The following IQUB variants were observed in gnomAD, a reference collection of about 807,000 sequenced individuals.
The protein encoded by IQUB is IQ motif and ubiquitin-like domain-containing protein.
A neutral mutation model predicts 86.4 loss-of-function variants in IQUB; 86 were observed. The observed-to-expected ratio is 1.00, with a 90% CI of 0.84 to 1.19. The LOEUF (loss-of-function observed/expected upper bound fraction) is 1.19, where lower values mean the gene tolerates loss of function less well. Ranked by LOEUF, IQUB falls within the 50% of genes most tolerant of loss-of-function variation. The pLI, the probability that IQUB is intolerant of heterozygous loss-of-function variation, is 0.00. For missense variants in IQUB, 946 were observed against 916.9 expected, an observed-to-expected ratio of 1.03 and a Z score of -0.41; for synonymous variants, 289 against 304.5, an observed-to-expected ratio of 0.95 and a Z score of 0.53.
chr7:123,489,460 G>A (rs1181792044), intron 7 of IQUB, among the ~76,000 whole-genome samples: 1 of 151,950 alleles, frequency 6.6e-6, no homozygotes, highest in Non-Finnish European at 1.5e-5. Context: ...CAGCAGGAAT[G>A]TAGACTTCTC....
At chr7:123,484,478 A>C (rs1478368887) in intron 7 of IQUB, among the ~76,000 whole-genome samples, 2 of 152,056 alleles carry the variant, frequency 1.3e-5, no homozygotes, top group African/African-American at 4.8e-5. Context: ...TATCTGATAC[A>C]ATTATATCAG....
chr7:123,480,980 C>A (rs1330658763), intron 7 of IQUB, among the ~76,000 whole-genome samples: 1 of 152,032 alleles, frequency 6.6e-6, no homozygotes, highest in Non-Finnish European at 1.5e-5. Flanking sequence ...TTTACATATA[C>A]TAAATTTGGA....
chr7:123,465,592 C>A (rs1794214820), intron 9 of IQUB, among the ~76,000 whole-genome samples: 1 of 151,946 alleles, frequency 6.6e-6, no homozygotes, highest in Non-Finnish European at 1.5e-5. Context: ...GAAAAAGCCA[C>A]AAGTAACAAG....
At chr7:123,522,370 T>C (rs558610240) in intron 1 of IQUB, among the ~76,000 whole-genome samples, 1 of 152,216 alleles carries the variant, frequency 6.6e-6, no homozygotes, top group Non-Finnish European at 1.5e-5. Context: ...TATTAGTTTG[T>C]ACATAGGGTA....
chr7:123,477,643 T>A (rs1297944745), intron 8 of IQUB, among the ~76,000 whole-genome samples: 3 of 151,906 alleles, frequency 2.0e-5, no homozygotes, highest in Non-Finnish European at 4.4e-5. Flanking sequence ...CTACCATCAG[T>A]GTGAACAGGC....
chr7:123,454,572 A>G (rs779026663), intron 12 of IQUB, among the ~76,000 whole-genome samples: 4 of 152,246 alleles, frequency 2.6e-5, no homozygotes, highest in Non-Finnish European at 5.9e-5. Flanking sequence ...GTGGACATCA[A>G]GAGACCTTTT....
Position 123,526,146 on chromosome 7 carries a change from T to G in IQUB, c.-5+8346A>C, listed in dbSNP as rs550541526. Among the ~76,000 whole-genome samples, 1,021 of 138,976 alleles carry G rather than the reference T, an allele frequency of 7.3e-3. 10 individuals carry two copies. The highest frequency in any genetic ancestry group is 0.025 in the African/African-American group (966 of 39,406). 91.2% of individuals were successfully genotyped at this position (138,976 alleles called of 152,430 possible). A position where few individuals can be genotyped will look rare whatever the true frequency, so the allele number is the denominator to read the frequency against. Reference sequence around the variant, plus strand: ...AGTATGTGGTCAATTTTGGAATAGGTGTGGTGTGGTGCTGAAAAAAATGTA... The same window carrying G: ...AGTATGTGGTCAATTTTGGAATAGGGGTGGTGTGGTGCTGAAAAAAATGTA... On this transcript the variant is annotated intron_variant, in intron 1 of 12. Transcript: ENST00000324698.
At chr7:123,466,424 G>C (rs147700657) in intron 9 of IQUB, among the ~76,000 whole-genome samples, 30 of 152,076 alleles carry the variant, frequency 2.0e-4, no homozygotes, top group African/African-American at 7.0e-4. Context: ...ACTGCCCTCT[G>C]TAAGTATCAT....
intron 1 of IQUB, among the ~76,000 whole-genome samples, chr7:123,516,426 G>A (rs1796640593): frequency 6.6e-6 from 1 of 152,112 alleles, no homozygotes; most frequent in South Asian, 2.1e-4. Flanking sequence ...TCATTAATCT[G>A]TAAATGTGTT....
chr7:123,459,428 G>A (rs1418467573), intron 11 of IQUB, among the ~76,000 whole-genome samples: 1 of 151,928 alleles, frequency 6.6e-6, no homozygotes, highest in East Asian at 1.9e-4. Context: ...CCAATCAGTT[G>A]AAGGCCTGAA....
chr7:123,503,116 C>A lies in IQUB; in HGVS notation c.695G>T (p.Gly232Val). The change falls in exon 5 of 13, where the codon GGA (glycine) becomes GTA (valine). Residue 232 changes from glycine to valine, a missense_variant and splice_region_variant. Transcript: ENST00000324698. ...AGGTACCTGCTGGTATTGATCAAGT[C>A]CTGAGAGATAACACCAAGATTCAAT... ...SQIITVTVQT[G>V]LDQYQQVPVE... The A allele has an allele frequency of 6.2e-7, 1 of 1,611,352 alleles. No homozygotes were observed. Among genetic ancestry groups the A allele is most frequent in the Non-Finnish European group, 8.5e-7 (1 of 1,178,930 alleles).
intron 1 of IQUB, among the ~76,000 whole-genome samples, chr7:123,531,499 C>T (rs1332555898): frequency 6.6e-6 from 1 of 151,796 alleles, no homozygotes; most frequent in African/African-American, 2.4e-5. Context: ...TAAAGGTCTC[C>T]GTCAAATGAA....
chr7:123,534,486 T>A lies in IQUB; in HGVS notation c.-5+6A>T, dbSNP rs2117420628. ...AGGAGGCCGCAGTCAAAATCTGTTCTCCTACCTGTGTACGAAACCAAACTA... is the reference window on the plus strand; with the variant it reads ...AGGAGGCCGCAGTCAAAATCTGTTCACCTACCTGTGTACGAAACCAAACTA... On this transcript the variant is annotated splice_donor_region_variant and intron_variant, in intron 1 of 12. Transcript: ENST00000324698. 6.5e-6 allele frequency: 1 copy of A among 153,120 alleles called. No homozygotes were observed. The highest frequency in any genetic ancestry group is 3.4e-3 in the Middle Eastern group (1 of 296). 9.5% of individuals were successfully genotyped at this position (153,120 alleles called of 1,614,324 possible).
intron 1 of IQUB, among the ~76,000 whole-genome samples, chr7:123,521,976 G>C (rs1209571980): frequency 2.0e-5 from 3 of 152,068 alleles, no homozygotes; most frequent in African/African-American, 7.2e-5. Flanking sequence ...ACTGGAGCCA[G>C]CCCACCTGAG....
chr7:123,515,194 A>G (rs537429828), intron 1 of IQUB, among the ~76,000 whole-genome samples: 77 of 152,176 alleles, frequency 5.1e-4, no homozygotes, highest in Non-Finnish European at 8.5e-4. Flanking sequence ...CTAATTAGAA[A>G]GAGAATATCA....
intron 1 of IQUB, among the ~76,000 whole-genome samples, chr7:123,519,047 G>T (rs1014433433): frequency 1.3e-5 from 2 of 151,776 alleles, no homozygotes; most frequent in East Asian, 1.9e-4. Flanking sequence ...TAGCCAACAG[G>T]TATATGAAAA....
chr7:123,464,953 G>A lies in IQUB; in HGVS notation c.1638C>T (p.Asp546=). 6.2e-7 allele frequency: 1 copy of A among 1,601,528 alleles called. No individual in the cohort carries two copies. Among genetic ancestry groups the A allele is most frequent in the Non-Finnish European group, 8.5e-7 (1 of 1,173,844 alleles). The change falls in exon 10 of 13, where the codon GAC becomes GAT. Residue 546 remains aspartate (D), a synonymous_variant. Coordinates refer to ENST00000324698, the MANE Select transcript of IQUB (RefSeq NM_178827.5). ...GATGTTTGACTCCTCTCATCATAAG[G>A]TCAACCTCTCTGTCAATCAATTCTA... ...EILELIDREV[D]LMMRGVKHHN... is the part of the protein sequence containing the mutation.
In IQUB at chr7:123,472,325, G is replaced by C. The variant is rs574950194; in HGVS notation, c.1411-2941C>G. 2.0e-4 allele frequency among the ~76,000 whole-genome samples: 30 copies of C among 152,132 alleles called. No individual in the cohort carries two copies. The South Asian group carries it at 2.1e-3, about 11-fold the overall frequency. On this transcript the variant is annotated intron_variant, in intron 8 of 12. Transcript: ENST00000324698. Reference sequence around the variant, plus strand: ...CTCATGTAGTTCTATATATCTCACAGTGTCTACAATACTCTTTCATTCATT... The same window carrying C: ...CTCATGTAGTTCTATATATCTCACACTGTCTACAATACTCTTTCATTCATT...
intron 6 of IQUB, among the ~76,000 whole-genome samples, chr7:123,499,651 C>T (rs1000419488): frequency 6.6e-6 from 1 of 152,084 alleles, no homozygotes; most frequent in Non-Finnish European, 1.5e-5. Flanking sequence ...GAAGAAAAGC[C>T]TAGTAAGGTT....
Sources: allele counts gnomAD v4.1 joint callset (sites outside exome capture counted in the v4.1 genomes callset), GRCh38; gene constraint gnomAD v4.1.1; transcripts MANE v1.5; gene names NCBI Gene and HGNC (gene_info 2026-07-23, HGNC 2026-07-21).